The following KLRD1 variants were observed in gnomAD, a reference collection of about 807,000 sequenced individuals.
The protein encoded by KLRD1 is killer cell lectin like receptor D1, also known as natural killer cells antigen CD94.
A neutral mutation model predicts 22.6 loss-of-function variants in KLRD1; 21 were observed. That is an observed-to-expected ratio of 0.93 (90% CI 0.66 to 1.34). The LOEUF (loss-of-function observed/expected upper bound fraction) is 1.34, where lower values mean the gene tolerates loss of function less well. Among genes scored for constraint, KLRD1 ranks in the 40% most tolerant of loss-of-function variants. The pLI is 0.00. For missense variants in KLRD1, 183 were observed against 208.6 expected, an observed-to-expected ratio of 0.88 and a Z score of 0.76; for synonymous variants, 59 against 71.1, an observed-to-expected ratio of 0.83 and a Z score of 0.85.
intron 1 of KLRD1, among the ~76,000 whole-genome samples, chr12:10,257,482 C>CTTTTTTTTTTTTTTTTTTTTTTTTT (rs56871156): frequency 1.0e-5 from 1 of 97,394 alleles, no homozygotes; most frequent in African/African-American, 4.2e-5. Flanking sequence ...GTAGCTGATT[C>CTTTTTTTTTTTTTTTTTTTTTTTTT]TTTTTTTTTT....
upstream of KLRD1, among the ~76,000 whole-genome samples, chr12:10,302,396 T>C (rs1041175721): frequency 6.6e-6 from 1 of 152,128 alleles, no homozygotes; most frequent in Non-Finnish European, 1.5e-5. Flanking sequence ...CAGTGGCAGG[T>C]AAGTGTCACC....
chr12:10,287,434 A>C (rs1472905507), intron 1 of KLRD1, among the ~76,000 whole-genome samples: 1 of 152,230 alleles, frequency 6.6e-6, no homozygotes, highest in East Asian at 1.9e-4. Context: ...TGTTATACAA[A>C]TAATGAGAGC....
rs1406900444 is a variant in KLRD1, at chr12:10,308,014, G to C, written c.-64G>C. The stretch of plus-strand genomic sequence containing the variant: ...TCCAGCTCAGCTTCAACAATTCAAC[G>C]CTGTTCTTTCTGAAAAAGTACACAT... On this transcript the variant is annotated 5_prime_UTR_variant, in exon 1 of 6. Coordinates refer to ENST00000336164, the MANE Select transcript of KLRD1 (RefSeq NM_002262.5). The C allele has an allele frequency of 1.4e-6, 2 of 1,476,956 alleles. No homozygotes were observed. The highest frequency in any genetic ancestry group is 2.8e-5 in the African/African-American group (2 of 72,120). The allele number at this position is 1,476,956 out of a possible 1,614,324, so 91.5% of individuals were successfully genotyped here. A position where few individuals can be genotyped will look rare whatever the true frequency, so the allele number is the denominator to read the frequency against.
At chr12:10,303,838 A>C (rs942049730), upstream of KLRD1, among the ~76,000 whole-genome samples, 1 of 152,184 alleles carries the variant, frequency 6.6e-6, no homozygotes, top group African/African-American at 2.4e-5. Context: ...TGAGGGTGGC[A>C]AAGTTTTGAG....
rs1950294076 is a variant in KLRD1 at position 10,319,815 on chromosome 12, T to C, written c.*5022T>C. ...AGCTAGGTCCATCGTGCTATGCTGT[T>C]CGAGGATTCCTCACTCTCAGAAGCT... On this transcript the variant is annotated 3_prime_UTR_variant, in exon 6 of 6. Coordinates refer to ENST00000336164, the MANE Select transcript of KLRD1 (RefSeq NM_002262.5). The C allele has an allele frequency of 6.6e-6, 1 of 152,026 alleles. No individual in the cohort carries two copies. Among genetic ancestry groups the C allele is most frequent in the Non-Finnish European group, 1.5e-5 (1 of 68,140 alleles). The allele number at this position is 152,026 out of a possible 1,614,324, so 9.4% of individuals were successfully genotyped here.
chr12:10,285,833 G>T (rs182181138), intron 1 of KLRD1, among the ~76,000 whole-genome samples: 1 of 151,996 alleles, frequency 6.6e-6, no homozygotes, highest in Non-Finnish European at 1.5e-5. Flanking sequence ...TCTAAGTTTA[G>T]TAATGTTTCC....
intron 1 of KLRD1, among the ~76,000 whole-genome samples, chr12:10,245,802 A>C (rs1949285193): frequency 6.6e-6 from 1 of 151,940 alleles, no homozygotes. Context: ...TTCATGTTTT[A>C]TTTCCCTTAA....
chr12:10,308,351 T>C, intron 1 of KLRD1: 1 of 456,706 alleles, frequency 2.2e-6, no homozygotes, highest in Middle Eastern at 6.2e-4. Flanking sequence ...GAACTGAACT[T>C]TAGCCTGGTT....
chr12:10,319,133 A>G lies in KLRD1; in HGVS notation c.*4340A>G, dbSNP rs1221323690. ...AATGGTTTGACTGTGTTACAAAAGA[A>G]TTTTATTGACAAAACATATGGTGAG... is the stretch of plus-strand genomic sequence containing the variant. On this transcript the variant is annotated 3_prime_UTR_variant, in exon 6 of 6. Coordinates refer to ENST00000336164, the MANE Select transcript of KLRD1 (RefSeq NM_002262.5). 6.6e-6 allele frequency: 1 copy of G among 152,204 alleles called. No individual in the cohort carries two copies. The highest frequency in any genetic ancestry group is 2.4e-5 in the African/African-American group (1 of 41,446). The allele number at this position is 152,204 out of a possible 1,614,324, so 9.4% of individuals were successfully genotyped here.
intron 1 of KLRD1, among the ~76,000 whole-genome samples, chr12:10,251,705 G>C (rs528760632): frequency 6.6e-6 from 1 of 151,920 alleles, no homozygotes; most frequent in Admixed American, 6.6e-5. Context: ...AGTCCCATCT[G>C]GGGGTGACGG....
At chr12:10,254,234 C>T (rs1305751184) in intron 1 of KLRD1, among the ~76,000 whole-genome samples, 1 of 151,444 alleles carries the variant, frequency 6.6e-6, no homozygotes, top group Non-Finnish European at 1.5e-5. Flanking sequence ...CGAGACCATT[C>T]TGGGTAACGT....
intron 1 of KLRD1, among the ~76,000 whole-genome samples, chr12:10,278,393 T>A (rs1949610507): frequency 1.3e-5 from 2 of 152,166 alleles, no homozygotes; most frequent in Admixed American, 6.5e-5. Flanking sequence ...AGGCTAATAT[T>A]TAAAGTATTT....
upstream of KLRD1, among the ~76,000 whole-genome samples, chr12:10,299,667 G>T (rs1047949381): frequency 1.3e-5 from 2 of 152,126 alleles, no homozygotes; most frequent in Non-Finnish European, 2.9e-5. Context: ...ACTGACTGGG[G>T]TGGTGGTTGC....
In KLRD1 at chr12:10,259,951, G is replaced by T. The variant is rs186873950; in HGVS notation, c.-101+33718G>T. Among the ~76,000 whole-genome samples, 155 of 152,258 alleles carry T rather than the reference G, an allele frequency of 1.0e-3. 2 individuals are homozygous for T. Among genetic ancestry groups the T allele is most frequent in the Admixed American group, 9.6e-3 (147 of 15,292 alleles). On this transcript the variant is annotated intron_variant, in intron 1 of 5. Coordinates refer to the KLRD1 transcript ENST00000544747. ...ACTGCACTCTAGCCTGGGCGACAGA[G>T]TGAGACTCCATCAAAACAAAACAAA...
chr12:10,281,697 G>T (rs1949644905), intron 1 of KLRD1, among the ~76,000 whole-genome samples: 1 of 152,140 alleles, frequency 6.6e-6, no homozygotes, highest in African/African-American at 2.4e-5. Context: ...AAAAATTTTA[G>T]CTTTGCATAA....
chr12:10,273,192 T>G (rs1289588345), intron 1 of KLRD1, among the ~76,000 whole-genome samples: 3 of 152,166 alleles, frequency 2.0e-5, no homozygotes, highest in African/African-American at 4.8e-5. Flanking sequence ...TATAATAAAA[T>G]TTTTACAGTC....
chr12:10,247,120 A>G (rs2137615192), intron 1 of KLRD1, among the ~76,000 whole-genome samples: 1 of 151,748 alleles, frequency 6.6e-6, no homozygotes, highest in South Asian at 2.1e-4. Flanking sequence ...TTTAGTAGAG[A>G]TGGGGTTTCA....
At chr12:10,307,419 T>G (rs966327778), upstream of KLRD1, among the ~76,000 whole-genome samples, 6 of 152,118 alleles carry the variant, frequency 3.9e-5, no homozygotes, top group African/African-American at 1.4e-4. Flanking sequence ...GAGTGAGACA[T>G]GGAAATCCCA....
At chr12:10,312,496 A>G (rs1592090806) in intron 4 of KLRD1, among the ~76,000 whole-genome samples, 1 of 151,834 alleles carries the variant, frequency 6.6e-6, no homozygotes, top group South Asian at 2.1e-4. Context: ...CTCCTGCCTC[A>G]GCCTCCCGAG....
Sources: allele counts gnomAD v4.1 joint callset (sites outside exome capture counted in the v4.1 genomes callset), GRCh38; gene constraint gnomAD v4.1.1; transcripts MANE v1.5; gene names NCBI Gene and HGNC (gene_info 2026-07-23, HGNC 2026-07-21).